Variants in DNAH12 observed in about 807,000 individuals in gnomAD.
DNAH12 encodes axonemal beta dynein heavy chain 12.
A neutral mutation model predicts 371.5 loss-of-function variants in DNAH12; 285 were observed. The observed-to-expected ratio is 0.77, with a 90% confidence interval of 0.70 to 0.85. The LOEUF (loss-of-function observed/expected upper bound fraction) is 0.85. Ranked by LOEUF, DNAH12 falls within the 40% of genes least tolerant of loss-of-function variation. The pLI is 0.00. For missense variants in DNAH12, 3,611 were observed against 3,689.4 expected (o/e 0.98, Z 0.55); for synonymous variants, 1,200 against 1,213.0 (o/e 0.99, Z 0.22).
chr3:57,406,034 A>G, intron 40 of DNAH12, 82 bp from the exon 41 acceptor site: 2 of 1,361,390 alleles, frequency 1.5e-6, no homozygotes, highest in Middle Eastern at 2.1e-4. Flanking sequence ...GTTATACAAA[A>G]TATTTTATTT....
chr3:57,469,287 C>T (rs1477121178), intron 16 of DNAH12, among the ~76,000 whole-genome samples: 2 of 152,316 alleles, frequency 1.3e-5, no homozygotes, highest in East Asian at 3.9e-4. Flanking sequence ...CATCTCCCAT[C>T]AGCCAGAATG....
intron 70 of DNAH12, 49 bp downstream of exon 70, chr3:57,301,686 A>T: frequency 5.1e-6 from 1 of 195,022 alleles, no homozygotes; most frequent in African/African-American, 7.6e-5. Context: ...TTACACACAC[A>T]CACACACACA....
At chr3:57,410,422 G>A (rs921716149) in intron 39 of DNAH12, among the ~76,000 whole-genome samples, 4 of 152,062 alleles carry the variant, frequency 2.6e-5, no homozygotes, top group African/African-American at 9.7e-5. Context: ...ATTAAATATT[G>A]TGTGTGTTCT....
chr3:57,519,878 C>T (rs2068345298), intron 4 of DNAH12: 2 of 944,058 alleles, frequency 2.1e-6, no homozygotes, highest in Non-Finnish European at 1.8e-6. Context: ...TCTCACTCCA[C>T]GGCCCAGCTC....
chr3:57,369,220 A>T (rs1451211455), intron 55 of DNAH12, among the ~76,000 whole-genome samples: 3 of 41,892 alleles, frequency 7.2e-5, no homozygotes, highest in African/African-American at 1.7e-4. Flanking sequence ...AAACTCCATT[A>T]AAAAAAAAAT....
At chr3:57,320,858 C>T (rs911963396) in intron 65 of DNAH12, among the ~76,000 whole-genome samples, 1 of 152,184 alleles carries the variant, frequency 6.6e-6, no homozygotes, top group African/African-American at 2.4e-5. Context: ...ACTTCTCTTA[C>T]CCCAGCTTTC....
chr3:57,536,137 A>C (rs1308502841), intron 2 of DNAH12: 2 of 151,238 alleles, frequency 1.3e-5, no homozygotes, highest in Non-Finnish European at 3.0e-5. Flanking sequence ...GCCTGGCCTA[A>C]ACCTCTATTC....
chr3:57,412,376 C>G (rs2064234825), intron 39 of DNAH12, among the ~76,000 whole-genome samples: 1 of 152,070 alleles, frequency 6.6e-6, no homozygotes, highest in Admixed American at 6.6e-5. Flanking sequence ...AAGGAGTAAA[C>G]CTAGTTGAAC....
In DNAH12 at chr3:57,472,649, T is replaced by C; in HGVS notation, c.1673A>G (p.Tyr558Cys). ...RIQESKRQMSYFLDVFLFPQE... is the reference protein window; with the variant it reads ...RIQESKRQMSCFLDVFLFPQE... Reference sequence around the variant, plus strand: ...AGGAAATAGGAAAACATCTAAAAAGTAACTCATTTGGCGTTTAGATTCCTA... The same window carrying C: ...AGGAAATAGGAAAACATCTAAAAAGCAACTCATTTGGCGTTTAGATTCCTA... Residue 558 changes from tyrosine (Y) to cysteine (C), a missense_variant, in exon 14 of 74, where the codon TAC (tyrosine) becomes TGC (cysteine). Around this residue, in one of 3 missense-constraint regions of DNAH12, gnomAD observed 1,314 missense variants for 1,398.7 expected, o/e 0.94. Transcript: ENST00000495027. 6.4e-7 allele frequency: 1 copy of C among 1,550,816 alleles called. No homozygotes were observed. Among genetic ancestry groups the C allele is most frequent in the Non-Finnish European group, 8.7e-7 (1 of 1,146,662 alleles).
Position 57,421,718 on chromosome 3 carries a change from G to GA in DNAH12, c.5374-13dup. Reference sequence around the variant, plus strand: ...AATATAAAGCAAGCCTGTTGGTGGAGAAAAAATTTAACTTATAGCAATTAT... The same window carrying GA: ...AATATAAAGCAAGCCTGTTGGTGGAGAAAAAAATTTAACTTATAGCAATTAT... On this transcript the variant is annotated splice_polypyrimidine_tract_variant and intron_variant, in intron 35 of 73. Coordinates refer to ENST00000495027, the MANE Select transcript of DNAH12 (RefSeq NM_001366028.2). 1.3e-6 allele frequency: 2 copies of GA among 1,551,258 alleles called. No homozygotes were observed. Among genetic ancestry groups the GA allele is most frequent in the Non-Finnish European group, 1.7e-6 (2 of 1,146,862 alleles).
At chr3:57,376,904 C>T (rs2063293133) in intron 53 of DNAH12, 77 bp downstream of exon 53, 1 of 152,116 alleles carries the variant, frequency 6.6e-6, no homozygotes, top group African/African-American at 2.4e-5. Flanking sequence ...AATCAGTAAT[C>T]ACAATAAATA....
At chr3:57,395,876 G>A (rs2063726215) in intron 43 of DNAH12, among the ~76,000 whole-genome samples, 1 of 152,032 alleles carries the variant, frequency 6.6e-6, no homozygotes. Context: ...AGGATTGCTT[G>A]AGCCTGGGAG....
At chr3:57,361,618 C>T (rs2062939291) in intron 58 of DNAH12, among the ~76,000 whole-genome samples, 2 of 151,604 alleles carry the variant, frequency 1.3e-5, no homozygotes, top group East Asian at 1.9e-4. Flanking sequence ...GTCTAAGAAT[C>T]TCTATTTATT....
chr3:57,524,096 C>A (rs534232642), intron 2 of DNAH12, among the ~76,000 whole-genome samples: 6 of 152,020 alleles, frequency 3.9e-5, no homozygotes, highest in African/African-American at 1.4e-4. Context: ...AACTAAAAAT[C>A]AAAATCAAAT....
In DNAH12 at chr3:57,457,823, G is replaced by C. The variant is rs1266902069; in HGVS notation, c.3234C>G (p.Leu1078=). Residue 1078 remains leucine, a synonymous_variant, in exon 22 of 74, where the codon CTC becomes CTG. Coordinates refer to ENST00000495027, the MANE Select transcript of DNAH12 (RefSeq NM_001366028.2). ...CACCCCGCGCTGCAGACGTGGAAAT[G>C]AGTGCAATCAGCTCCACTCGCTCGC... ...SEGERVELIA[L]ISTSAARGAV... The C allele has an allele frequency of 2.6e-6, 4 of 1,551,518 alleles. No homozygotes were observed. Among genetic ancestry groups the C allele is most frequent in the Non-Finnish European group, 3.5e-6 (4 of 1,147,002 alleles).
chr3:57,354,135 G>A (rs984383042), intron 59 of DNAH12, among the ~76,000 whole-genome samples: 10 of 152,182 alleles, frequency 6.6e-5, no homozygotes, highest in South Asian at 6.2e-4. Context: ...CCTGTCAATC[G>A]TAGACTAGAT....
At chr3:57,426,829 A>G (rs1403333571) in intron 34 of DNAH12, among the ~76,000 whole-genome samples, 1 of 78,092 alleles carries the variant, frequency 1.3e-5, no homozygotes, top group South Asian at 3.2e-4. Flanking sequence ...ACTGTCTCAG[A>G]AAAAAAAAAA....
In DNAH12 at chr3:57,363,777, T is replaced by C. The variant is rs1360408263; in HGVS notation, c.9177A>G (p.Leu3059=). ...GAATCAGGGCATTTCGTTCCTCTTC[T>C]AATTCTGGTCTAAAAAGATAGAAAC... ...GIVVAKERPE[L]EEERNALILQ... The change falls in exon 58 of 74, where the codon TTA becomes TTG. Residue 3059 remains leucine (L), a synonymous_variant. Coordinates refer to ENST00000495027, the MANE Select transcript of DNAH12 (RefSeq NM_001366028.2). 6.6e-6 allele frequency: 1 copy of C among 152,202 alleles called. No homozygotes were observed. Among genetic ancestry groups the C allele is most frequent in the Non-Finnish European group, 1.5e-5 (1 of 68,010 alleles). 9.4% of individuals were successfully genotyped at this position (152,202 alleles called of 1,614,324 possible).
intron 59 of DNAH12, among the ~76,000 whole-genome samples, chr3:57,354,248 T>C (rs2062745653): frequency 6.6e-6 from 1 of 152,060 alleles, no homozygotes; most frequent in African/African-American, 2.4e-5. Flanking sequence ...AGCAAACTAA[T>C]GCAGGAACAG....
Sources: allele counts gnomAD v4.1 joint callset (sites outside exome capture counted in the v4.1 genomes callset), GRCh38; gene constraint gnomAD v4.1.1; regional missense constraint gnomAD v4.1.1; transcripts MANE v1.5; gene names NCBI Gene and HGNC (gene_info 2026-07-23, HGNC 2026-07-21).